BLM: variants seen among roughly 807,000 people sequenced by gnomAD.
BLM encodes the protein BLM RecQ like helicase.
BLM carries 95 observed loss-of-function variants against 135.3 expected under a neutral mutation model. That is an observed-to-expected ratio of 0.70 (90% CI 0.59 to 0.83). BLM has a LOEUF of 0.83. BLM is among the 40% of genes least tolerant of loss of function. The pLI is 0.00. For missense variants in BLM, 1,518 were observed against 1,663.9 expected, an observed-to-expected ratio of 0.91 and a Z score of 1.53; for synonymous variants, 520 against 589.2, an observed-to-expected ratio of 0.88 and a Z score of 1.70.
intron 14 of BLM, among the ~76,000 whole-genome samples, chr15:90,788,471 G>GTTTTTTTTTTTTTTT (rs35158343): frequency 4.2e-5 from 4 of 94,994 alleles, no homozygotes; most frequent in East Asian, 3.3e-4. Context: ...CCAGTGTTTT[G>GTTTTTTTTTTTTTTT]TTTTTTTTTT....
chr15:90,719,053 G>A (rs1894689094), intron 1 of BLM, among the ~76,000 whole-genome samples: 1 of 151,996 alleles, frequency 6.6e-6, no homozygotes, highest in African/African-American at 2.4e-5. Context: ...GTGCAGTGGC[G>A]CGATCTTGGC....
intron 1 of BLM, among the ~76,000 whole-genome samples, chr15:90,745,735 A>ACAGTATAT (rs1895484398): frequency 6.6e-5 from 10 of 152,114 alleles, no homozygotes; most frequent in Admixed American, 6.6e-4. Flanking sequence ...TATAGTAGTG[A>ACAGTATAT]AGTATGGGCT....
At chr15:90,761,806 A>C (rs888289117) in intron 7 of BLM, among the ~76,000 whole-genome samples, 1 of 152,170 alleles carries the variant, frequency 6.6e-6, no homozygotes, top group Non-Finnish European at 1.5e-5. Flanking sequence ...CCGATCATTT[A>C]AAGATGAATA....
At chr15:90,743,356 T>C (rs1158444178) in intron 1 of BLM, among the ~76,000 whole-genome samples, 1 of 152,218 alleles carries the variant, frequency 6.6e-6, no homozygotes, top group African/African-American at 2.4e-5. Context: ...ATTTTCCAGA[T>C]TGAACTTGTG....
At chr15:90,784,396 G>A (rs1368487159) in intron 13 of BLM, among the ~76,000 whole-genome samples, 3 of 142,250 alleles carry the variant, frequency 2.1e-5, no homozygotes, top group East Asian at 2.0e-4. Flanking sequence ...GCGGTGGTGC[G>A]ATCTCGGCTC....
intron 1 of BLM, among the ~76,000 whole-genome samples, chr15:90,723,363 A>G (rs1258996498): frequency 2.8e-5 from 4 of 143,446 alleles, no homozygotes; most frequent in African/African-American, 1.0e-4. Context: ...TTTTTTTAAT[A>G]GTAATTTTGG....
chr15:90,794,250 G>C lies in BLM; in HGVS notation c.3103G>C (p.Glu1035Gln), dbSNP rs764965627. Residue 1035 changes from glutamate to glutamine, a missense_variant, in exon 16 of 22, where the codon GAA becomes CAA. By Grantham distance (29) the Glu-to-Gln change is conservative. Coordinates refer to ENST00000355112, the MANE Select transcript of BLM (RefSeq NM_000057.4). ...SMVHYCENIT[E>Q]CRRIQLLAYF... ...GGTACATTACTGTGAAAATATAACG[G>C]AATGCAGGAGAATACAGCTTTTGGC... The C allele has an allele frequency of 1.2e-6, 2 of 1,605,224 alleles. No homozygotes were observed. The highest frequency in any genetic ancestry group is 2.2e-5 in the East Asian group (1 of 44,456).
At chr15:90,725,064 A>C (rs1225525113) in intron 1 of BLM, among the ~76,000 whole-genome samples, 1 of 152,110 alleles carries the variant, frequency 6.6e-6, no homozygotes, top group Non-Finnish European at 1.5e-5. Context: ...GTGCACCATC[A>C]TGCCTGGCTA....
Position 90,761,013 on chromosome 15 carries a change from C to T in BLM, c.1640C>T (p.Thr547Ile), listed in dbSNP as rs758161226. 1.1e-5 allele frequency: 17 copies of T among 1,606,366 alleles called. No homozygotes were observed. Among genetic ancestry groups the T allele is most frequent in the Admixed American group, 1.7e-5 (1 of 58,448 alleles). Residue 547 changes from threonine to isoleucine, a missense_variant, in exon 7 of 22, where the codon ACC becomes ATC. Thr to Ile is a moderately conservative substitution (Grantham distance 89). This residue lies in a region of BLM where 724 missense variants were observed against 756.9 expected (regional missense o/e 0.96). Transcript: ENST00000355112. ...TCAATAAATGACTTAGAAAGAGAAA[C>T]CCAACCTTCCTATGATATTGATAAT... ...TASINDLERE[T>I]QPSYDIDNFD...
At chr15:90,743,354 G>T (rs1023945997) in intron 1 of BLM, among the ~76,000 whole-genome samples, 1 of 152,130 alleles carries the variant, frequency 6.6e-6, no homozygotes, top group African/African-American at 2.4e-5. Flanking sequence ...TCATTTTCCA[G>T]ATTGAACTTG....
At chr15:90,759,670 G>A (rs546188740) in intron 5 of BLM, among the ~76,000 whole-genome samples, 2 of 151,786 alleles carry the variant, frequency 1.3e-5, no homozygotes, top group Admixed American at 6.6e-5. Flanking sequence ...GCAATGGCAC[G>A]ATCTCAGCTC....
At chr15:90,766,884 A>G in intron 9 of BLM, 26 bp from the exon 10 acceptor site, 1 of 1,429,264 alleles carries the variant, frequency 7.0e-7, no homozygotes, top group Non-Finnish European at 9.8e-7. Flanking sequence ...TATAAAATTG[A>G]AATTGTTTAC....
intron 12 of BLM, among the ~76,000 whole-genome samples, chr15:90,775,062 C>T (rs73498489): frequency 0.014 from 2,090 of 152,190 alleles, 47 homozygotes; most frequent in African/African-American, 0.047. Context: ...AGTGAGAGAA[C>T]AGAAAGTTAG....
At chr15:90,765,627 AC>A (rs1296840147) in intron 9 of BLM, among the ~76,000 whole-genome samples, 1 of 152,252 alleles carries the variant, frequency 6.6e-6, no homozygotes, top group Non-Finnish European at 1.5e-5. Context: ...AGAACTTTTA[AC>A]CAATGCTATT....
chr15:90,807,260 A>G (rs1897306009), intron 19 of BLM, among the ~76,000 whole-genome samples: 1 of 152,234 alleles, frequency 6.6e-6, no homozygotes, highest in Admixed American at 6.5e-5. Context: ...TCTCTCAGTA[A>G]CAAAAATGTA....
chr15:90,760,634 G>T lies in BLM; in HGVS notation c.1261G>T (p.Ala421Ser), dbSNP rs587779879. The change falls in exon 7 of 22, where the codon GCC becomes TCC. Residue 421 changes from alanine (A) to serine (S), a missense_variant. Around this residue, in one of 5 missense-constraint regions of BLM, gnomAD observed 724 missense variants for 756.9 expected, o/e 0.96. Transcript: ENST00000355112. ...GGAAGTAGATTTTAATAAAAGTGATGCCAGTCTTCTTGGCTCATTGTGGAG... is the reference window on the plus strand; with the variant it reads ...GGAAGTAGATTTTAATAAAAGTGATTCCAGTCTTCTTGGCTCATTGTGGAG... ...LTEVDFNKSDASLLGSLWRYR... is the reference protein window; with the variant it reads ...LTEVDFNKSDSSLLGSLWRYR... 3 of 1,612,478 alleles carry T rather than the reference G, an allele frequency of 1.9e-6. No individual in the cohort carries two copies. The highest frequency in any genetic ancestry group is 2.5e-6 in the Non-Finnish European group (3 of 1,178,884).
chr15:90,743,040 C>G (rs1163789056), intron 1 of BLM, among the ~76,000 whole-genome samples: 5 of 151,094 alleles, frequency 3.3e-5, no homozygotes, highest in Non-Finnish European at 7.4e-5. Flanking sequence ...TCACTGTCAC[C>G]CCAGCTGGAG....
At chr15:90,725,587 G>A (rs192648428) in intron 1 of BLM, among the ~76,000 whole-genome samples, 14 of 148,838 alleles carry the variant, frequency 9.4e-5, no homozygotes, top group Admixed American at 2.7e-4. Flanking sequence ...TCCGCCTCCC[G>A]GGTTCACGCC....
At chr15:90,739,765 ATTAT>A (rs1327425483) in intron 1 of BLM, among the ~76,000 whole-genome samples, 1 of 151,926 alleles carries the variant, frequency 6.6e-6, no homozygotes, top group Non-Finnish European at 1.5e-5. Context: ...TTTTTAAATT[ATTAT>A]TTGTTTATTT....
Sources: gnomAD v4.1 joint callset for allele counts (sites outside exome capture counted in the v4.1 genomes callset) on GRCh38, gnomAD v4.1.1 for gene constraint, gnomAD v4.1.1 regional missense constraint, MANE v1.5 for transcripts, NCBI Gene and HGNC (gene_info 2026-07-23, HGNC 2026-07-21) for gene names.